Variants in AUNIP observed in about 807,000 individuals in gnomAD.
The protein encoded by AUNIP is aurora kinase A and ninein interacting protein.
AUNIP carries 16 observed loss-of-function variants against 12.2 expected under a neutral mutation model. The ratio of observed to expected loss-of-function variants is 1.31; its 90% CI spans 0.88 to 1.99. The LOEUF is 1.99. Among genes scored for constraint, AUNIP ranks in the 30% most tolerant of loss-of-function variants. AUNIP has a pLI of 0.00. For synonymous variants in AUNIP, 142 were observed against 154.8 expected, an observed-to-expected ratio of 0.92 and a Z score of 0.61; for missense variants, 411 against 419.1, an observed-to-expected ratio of 0.98 and a Z score of 0.17.
intron 1 of AUNIP, among the ~76,000 whole-genome samples, chr1:25,846,112 C>T (rs2048381354): frequency 6.6e-6 from 1 of 152,136 alleles, no homozygotes; most frequent in African/African-American, 2.4e-5. Flanking sequence ...ACTGGCATTA[C>T]TAAGTCTCAT....
Position 25,851,211 on chromosome 1 carries a change from A to G in AUNIP, c.78+8069T>C, listed in dbSNP as rs988563374. 6.6e-5 allele frequency among the ~76,000 whole-genome samples: 10 copies of G among 152,348 alleles called. No individual in the cohort carries two copies. In the East Asian group the frequency reaches 1.9e-3, roughly 29 times the overall value. ...TTTAAACCAACCTTGCATTCCTAAGATAAATTCCTCTTGGTCATGATTTAT... is the reference window on the plus strand; with the variant it reads ...TTTAAACCAACCTTGCATTCCTAAGGTAAATTCCTCTTGGTCATGATTTAT... On this transcript the variant is annotated intron_variant, in intron 1 of 2. Transcript: ENST00000374298.
At chr1:25,844,080 G>C (rs891531514) in intron 1 of AUNIP, among the ~76,000 whole-genome samples, 1 of 152,180 alleles carries the variant, frequency 6.6e-6, no homozygotes, top group Non-Finnish European at 1.5e-5. Context: ...ATGAAAGGAA[G>C]AGTCATCGAG....
chr1:25,852,127 A>G (rs2048427531), intron 1 of AUNIP, among the ~76,000 whole-genome samples: 1 of 151,678 alleles, frequency 6.6e-6, no homozygotes, highest in African/African-American at 2.4e-5. Flanking sequence ...TAATTTTTGT[A>G]TTTTTTGGTA....
At chr1:25,842,841 G>A (rs1300886395) in intron 1 of AUNIP, among the ~76,000 whole-genome samples, 1 of 152,098 alleles carries the variant, frequency 6.6e-6, no homozygotes, top group Non-Finnish European at 1.5e-5. Flanking sequence ...AATATTTCAA[G>A]CCCACTCTTG....
At chr1:25,832,599 A>G (rs1409959302), downstream of AUNIP, 1 of 174,640 alleles carries the variant, frequency 5.7e-6, no homozygotes, top group African/African-American at 2.4e-5. Context: ...CACATGGGCT[A>G]CTGCTGGGAA....
At position 25,835,329 on chromosome 1, in the gene AUNIP, G is replaced by T; in HGVS notation, c.738C>A (p.Leu246=). The change falls in exon 3 of 3, where the codon CTC becomes CTA. Residue 246 remains leucine, a synonymous_variant. Coordinates refer to ENST00000374298, the MANE Select transcript of AUNIP (RefSeq NM_024037.3). ...TCCAGGATTCCCTGTATGTTTGAAG[G>T]AGGACAGGGGCCTGCCTGTTTTCTT... is the stretch of plus-strand genomic sequence containing the variant. ...SAKENRQAPV[L]LQTYRESWNG... is the part of the protein sequence containing the mutation. 6.2e-7 allele frequency: 1 copy of T among 1,614,204 alleles called. No homozygotes were observed. The highest frequency in any genetic ancestry group is 8.5e-7 in the Non-Finnish European group (1 of 1,180,046).
downstream of AUNIP, chr1:25,833,925 C>T (rs2048275911): frequency 1.1e-5 from 8 of 715,184 alleles, no homozygotes; most frequent in Non-Finnish European, 1.4e-5. Context: ...AGGCTCAGGG[C>T]AATGACAGCA....
At chr1:25,856,959 C>A (rs1251103563) in intron 1 of AUNIP, among the ~76,000 whole-genome samples, 3 of 151,068 alleles carry the variant, frequency 2.0e-5, no homozygotes, top group Non-Finnish European at 4.4e-5. Flanking sequence ...AAAAAAAATA[C>A]AAAAAATGAG....
At chr1:25,832,234 G>A, downstream of AUNIP, 2 of 1,419,052 alleles carry the variant, frequency 1.4e-6, no homozygotes, top group Non-Finnish European at 1.9e-6. Context: ...GATTTGACCT[G>A]AGACATTTGT....
intron 1 of AUNIP, among the ~76,000 whole-genome samples, chr1:25,852,740 G>A (rs140395585): frequency 7.2e-5 from 11 of 152,168 alleles, no homozygotes; most frequent in African/African-American, 2.4e-4. Flanking sequence ...GCGCCTGGCC[G>A]AGATTCTTTT....
chr1:25,846,558 T>C (rs572903096), intron 1 of AUNIP, among the ~76,000 whole-genome samples: 14 of 151,884 alleles, frequency 9.2e-5, no homozygotes, highest in African/African-American at 3.1e-4. Flanking sequence ...ACCCTGTCTC[T>C]ACTAAAATAC....
chr1:25,849,752 GTC>G (rs1438739827), intron 1 of AUNIP, among the ~76,000 whole-genome samples: 1 of 152,162 alleles, frequency 6.6e-6, no homozygotes, highest in Non-Finnish European at 1.5e-5. Context: ...TTCTGCCTCA[GTC>G]TCCTGAGCAG....
downstream of AUNIP, chr1:25,833,991 A>G (rs1049595672): frequency 3.0e-5 from 29 of 971,850 alleles, no homozygotes; most frequent in South Asian, 3.8e-4. Flanking sequence ...TTTAATTACC[A>G]ATTATCACAA....
chr1:25,856,002 A>G (rs1354078955), intron 1 of AUNIP, among the ~76,000 whole-genome samples: 3 of 152,214 alleles, frequency 2.0e-5, no homozygotes, highest in Non-Finnish European at 4.4e-5. Context: ...ACTGTCATGT[A>G]CTACATCAAC....
intron 1 of AUNIP, among the ~76,000 whole-genome samples, chr1:25,850,237 C>T (rs11247815): frequency 0.026 from 3,902 of 151,920 alleles, 166 homozygotes; most frequent in African/African-American, 0.088. Context: ...AACAACAAAA[C>T]AACTGACCAT....
chr1:25,833,917 G>T (rs2048275879), downstream of AUNIP: 3 of 667,944 alleles, frequency 4.5e-6, no homozygotes, highest in Non-Finnish European at 5.6e-6. Flanking sequence ...TTCAGATCAG[G>T]CTCAGGGCAA....
rs981780535 is a variant in AUNIP, at chr1:25,834,917, C to G, written c.*76G>C. On this transcript the variant is annotated 3_prime_UTR_variant, in exon 3 of 3. Transcript: ENST00000374298. ...ACCTTCCCACCTAAACAAACTCACT[C>G]CTCTCTCCACCCACAACTATATTTT... The G allele has an allele frequency of 2.6e-6, 4 of 1,532,086 alleles. No homozygotes were observed. The highest frequency in any genetic ancestry group is 3.5e-6 in the Non-Finnish European group (4 of 1,144,586). 94.9% of individuals were successfully genotyped at this position (1,532,086 alleles called of 1,614,324 possible).
chr1:25,832,204 TA>T (rs1557446750), downstream of AUNIP: 2 of 1,520,674 alleles, frequency 1.3e-6, no homozygotes, highest in Middle Eastern at 1.7e-4. Flanking sequence ...CTTCAAACCC[TA>T]GCAGAAGCTA....
intron 1 of AUNIP, 150 bp from the exon 2 acceptor site, chr1:25,837,704 A>C: frequency 1.4e-6 from 1 of 713,564 alleles, no homozygotes; most frequent in Non-Finnish European, 2.1e-6. Flanking sequence ...GGTGCTGGAC[A>C]TCATCTTCCA....
Sources: gnomAD v4.1 joint callset for allele counts (sites outside exome capture counted in the v4.1 genomes callset) on GRCh38, gnomAD v4.1.1 for gene constraint, MANE v1.5 for transcripts, NCBI Gene and HGNC (gene_info 2026-07-23, HGNC 2026-07-21) for gene names.